Variants in CSNK1G3 observed in about 807,000 individuals in gnomAD.
CSNK1G3 encodes casein kinase I isoform gamma-3.
CSNK1G3 carries 23 observed loss-of-function variants against 64.3 expected under a neutral mutation model. The observed-to-expected ratio is 0.36, with a 90% CI of 0.26 to 0.51. The LOEUF is 0.51. Among genes scored for constraint, CSNK1G3 ranks in the 20% least tolerant of loss-of-function variants. CSNK1G3 has a pLI of 0.96. For synonymous variants in CSNK1G3, 158 were observed against 162.2 expected, an observed-to-expected ratio of 0.97 and a Z score of 0.20; for missense variants, 357 against 510.5, an observed-to-expected ratio of 0.70 and a Z score of 2.90.
chr5:123,516,837 G>T (rs1777254532), intron 1 of CSNK1G3, among the ~76,000 whole-genome samples: 1 of 151,884 alleles, frequency 6.6e-6, no homozygotes, highest in Non-Finnish European at 1.5e-5. Flanking sequence ...TTTTCTCTAG[G>T]TTAGTAATGT....
At chr5:123,584,064 C>T (rs993356305) in intron 6 of CSNK1G3, among the ~76,000 whole-genome samples, 2 of 151,974 alleles carry the variant, frequency 1.3e-5, no homozygotes, top group African/African-American at 4.8e-5. Context: ...TGTAATAGAC[C>T]TTTTGTAGGT....
At chr5:123,599,688 A>C (rs1319022646) in intron 10 of CSNK1G3, among the ~76,000 whole-genome samples, 1 of 152,178 alleles carries the variant, frequency 6.6e-6, no homozygotes, top group Non-Finnish European at 1.5e-5. Context: ...TCTAGTGACT[A>C]TTACAATCAC....
intron 1 of CSNK1G3, among the ~76,000 whole-genome samples, chr5:123,517,442 T>C (rs989459483): frequency 6.6e-6 from 1 of 152,120 alleles, no homozygotes; most frequent in South Asian, 2.1e-4. Context: ...TGAGAACCAA[T>C]TGGCTACTTT....
chr5:123,547,624 G>A (rs189968513), intron 2 of CSNK1G3, among the ~76,000 whole-genome samples: 11 of 152,202 alleles, frequency 7.2e-5, no homozygotes, highest in Non-Finnish European at 1.3e-4. Context: ...TAGGAGTATC[G>A]TGGCTTCTTA....
At chr5:123,607,912 A>T (rs1467964568) in intron 12 of CSNK1G3, among the ~76,000 whole-genome samples, 1 of 152,036 alleles carries the variant, frequency 6.6e-6, no homozygotes. Flanking sequence ...CACGTTTGTT[A>T]TTGTGTTCCT....
At chr5:123,535,197 C>T (rs1561471785) in intron 1 of CSNK1G3, among the ~76,000 whole-genome samples, 3 of 152,156 alleles carry the variant, frequency 2.0e-5, no homozygotes, top group Admixed American at 6.5e-5. Context: ...TTCAACTCTT[C>T]TCTTGTAGCG....
At chr5:123,518,605 A>G (rs1777579575) in intron 1 of CSNK1G3, among the ~76,000 whole-genome samples, 1 of 152,100 alleles carries the variant, frequency 6.6e-6, no homozygotes, top group East Asian at 1.9e-4. Context: ...CTACCAACAT[A>G]TTTTTCTCTT....
chr5:123,600,334 T>C (rs1794234145), intron 10 of CSNK1G3, among the ~76,000 whole-genome samples: 1 of 152,064 alleles, frequency 6.6e-6, no homozygotes, highest in Admixed American at 6.6e-5. Context: ...AAATAGAAAT[T>C]AGGAAGACAG....
chr5:123,578,182 A>G (rs1206799626), intron 6 of CSNK1G3, among the ~76,000 whole-genome samples: 1 of 151,944 alleles, frequency 6.6e-6, no homozygotes, highest in Non-Finnish European at 1.5e-5. Context: ...TTTTGTGGGC[A>G]TATTTTTCAG....
chr5:123,602,407 A>G (rs1200919044), intron 10 of CSNK1G3, among the ~76,000 whole-genome samples: 1 of 152,212 alleles, frequency 6.6e-6, no homozygotes, highest in African/African-American at 2.4e-5. Context: ...TTACTTTGGT[A>G]TTCCAAATAC....
intron 1 of CSNK1G3, among the ~76,000 whole-genome samples, chr5:123,538,361 G>A (rs989113654): frequency 6.6e-6 from 1 of 152,104 alleles, no homozygotes; most frequent in Non-Finnish European, 1.5e-5. Flanking sequence ...TTAAATGTTA[G>A]CTATTTTAAT....
chr5:123,558,621 A>G (rs1204642574), intron 4 of CSNK1G3, among the ~76,000 whole-genome samples: 1 of 152,150 alleles, frequency 6.6e-6, no homozygotes. Context: ...ATGAGTAGTC[A>G]TTGTAGGGGC....
intron 8 of CSNK1G3, among the ~76,000 whole-genome samples, 183 bp from the exon 9 acceptor site, chr5:123,590,227 A>G (rs1258497966): frequency 6.6e-6 from 1 of 151,994 alleles, no homozygotes; most frequent in Non-Finnish European, 1.5e-5. Context: ...TTGTGTCTCT[A>G]TTCCCTTCCT....
At chr5:123,566,289 A>G (rs1042016762) in intron 4 of CSNK1G3, among the ~76,000 whole-genome samples, 23 of 152,204 alleles carry the variant, frequency 1.5e-4, no homozygotes, top group Non-Finnish European at 2.8e-4. Context: ...TGAATTTTGT[A>G]TTCATACTCC....
chr5:123,531,167 A>C (rs532371467), intron 1 of CSNK1G3, among the ~76,000 whole-genome samples: 6 of 152,244 alleles, frequency 3.9e-5, no homozygotes, highest in African/African-American at 1.4e-4. Context: ...TTTGACTATA[A>C]ATTTTGATTT....
At chr5:123,520,697 A>G (rs1380977284) in intron 1 of CSNK1G3, among the ~76,000 whole-genome samples, 1 of 152,094 alleles carries the variant, frequency 6.6e-6, no homozygotes, top group African/African-American at 2.4e-5. Flanking sequence ...ATCTTTTGGT[A>G]CAAATATACA....
intron 10 of CSNK1G3, 48 bp from the exon 11 acceptor site, chr5:123,594,991 T>G (rs768821611): frequency 6.7e-7 from 1 of 1,503,408 alleles, no homozygotes; most frequent in Non-Finnish European, 9.2e-7. Flanking sequence ...TTTAACATAT[T>G]GGGTTTTTCT....
chr5:123,514,885 G>A (rs553041999), intron 1 of CSNK1G3, among the ~76,000 whole-genome samples: 45 of 152,254 alleles, frequency 3.0e-4, no homozygotes, highest in African/African-American at 1.1e-3. Flanking sequence ...TGTATTTAAA[G>A]ATGAGTCAGT....
chr5:123,578,023 C>G (rs570808725), intron 6 of CSNK1G3, among the ~76,000 whole-genome samples: 103 of 151,954 alleles, frequency 6.8e-4, no homozygotes, highest in Non-Finnish European at 1.3e-3. Context: ...TATGTTGTTG[C>G]AAGTATCAGT....
Sources: gnomAD v4.1 joint callset for allele counts (sites outside exome capture counted in the v4.1 genomes callset) on GRCh38, gnomAD v4.1.1 for gene constraint, MANE v1.5 for transcripts, NCBI Gene and HGNC (gene_info 2026-07-23, HGNC 2026-07-21) for gene names.